GRAMD1B: variants seen among roughly 807,000 people sequenced by gnomAD.
The protein encoded by GRAMD1B is GRAM domain containing 1B, also known as protein Aster-B.
In GRAMD1B, 37 loss-of-function variants were observed where a neutral mutation model predicts 99.7. The ratio of observed to expected loss-of-function variants is 0.37; its 90% CI spans 0.29 to 0.49. The LOEUF (loss-of-function observed/expected upper bound fraction) is 0.49. GRAMD1B is among the 20% of genes least tolerant of loss of function. GRAMD1B has a pLI of 0.98. For missense variants in GRAMD1B, 888 were observed against 1,009.2 expected, an observed-to-expected ratio of 0.88 and a Z score of 1.63; for synonymous variants, 427 against 387.6, an observed-to-expected ratio of 1.10 and a Z score of -1.19.
At chr11:123,396,339 A>G (rs1206645451) in intron 1 of GRAMD1B, among the ~76,000 whole-genome samples, 2 of 150,778 alleles carry the variant, frequency 1.3e-5, no homozygotes, top group Non-Finnish European at 2.9e-5. Context: ...GCAATGGCAC[A>G]ATCTTGGCTC....
intron 2 of GRAMD1B, chr11:123,559,750 A>G (rs1946509638): frequency 1.1e-6 from 1 of 919,840 alleles, no homozygotes; most frequent in Non-Finnish European, 1.3e-6. Context: ...CTGCGGGAGA[A>G]GCGAGCATCC....
At position 123,519,340 on chromosome 11, in the gene GRAMD1B, C is replaced by T. The variant is rs994179020; in HGVS notation, c.452+38447C>T. 3.3e-5 allele frequency among the ~76,000 whole-genome samples: 5 copies of T among 152,134 alleles called. No homozygotes were observed. The South Asian group carries it at 6.2e-4, about 19-fold the overall frequency. Reference sequence around the variant, plus strand: ...AGGGAAGTGGTGGGGAGCACCTGATCGGGGTGCAGCCCTGGCCATCTGCTG... The same window carrying T: ...AGGGAAGTGGTGGGGAGCACCTGATTGGGGTGCAGCCCTGGCCATCTGCTG... On this transcript the variant is annotated intron_variant, in intron 2 of 19. Coordinates refer to ENST00000635736, the MANE Select transcript of GRAMD1B (RefSeq NM_001387025.1).
Position 123,430,756 on chromosome 11 carries a change from C to T in GRAMD1B, c.-37C>T, listed in dbSNP as rs1363366055. On this transcript the variant is annotated 5_prime_UTR_variant, in exon 1 of 20. Transcript: ENST00000635736. ...AGGGAGACGCGAACCAGGCCGCTGGCGGAGGGCTCAGGGGGAGCGCAGAGG... is the reference window on the plus strand; with the variant it reads ...AGGGAGACGCGAACCAGGCCGCTGGTGGAGGGCTCAGGGGGAGCGCAGAGG... The T allele has an allele frequency of 3.2e-6, 2 of 618,388 alleles. No homozygotes were observed. Among genetic ancestry groups the T allele is most frequent in the African/African-American group, 1.9e-5 (1 of 53,544 alleles). The allele number at this position is 618,388 out of a possible 1,614,324, so 38.3% of individuals were successfully genotyped here.
chr11:123,599,006 G>A, intron 7 of GRAMD1B: 1 of 1,090,768 alleles, frequency 9.2e-7, no homozygotes, highest in Non-Finnish European at 1.4e-6. Flanking sequence ...TCAGGTTAAT[G>A]TACTTGAGGC....
At chr11:123,593,615 C>G (rs191441705) in intron 4 of GRAMD1B, among the ~76,000 whole-genome samples, 2 of 152,300 alleles carry the variant, frequency 1.3e-5, no homozygotes, top group African/African-American at 4.8e-5. Flanking sequence ...CTTTCCCACA[C>G]AGCCAAGTGC....
rs543303150 is a variant in GRAMD1B at position 123,526,607 on chromosome 11, G to A, written c.452+45714G>A. Reference sequence around the variant, plus strand: ...CGTGATTTTGAGGGAGGGTGTGCGGGGGGCCTTTCTCACGTCAGCTGCTTA... The same window carrying A: ...CGTGATTTTGAGGGAGGGTGTGCGGAGGGCCTTTCTCACGTCAGCTGCTTA... On this transcript the variant is annotated intron_variant, in intron 2 of 19. Transcript: ENST00000635736. Among the ~76,000 whole-genome samples, 4 of 152,254 alleles carry A rather than the reference G, an allele frequency of 2.6e-5. No homozygotes were observed. The South Asian group carries it at 6.2e-4, about 24-fold the overall frequency.
intron 2 of GRAMD1B, among the ~76,000 whole-genome samples, chr11:123,552,273 C>CTTTCTT (rs752491247): frequency 8.4e-6 from 1 of 119,368 alleles, no homozygotes; most frequent in African/African-American, 3.2e-5. Context: ...CTCTTTCTTT[C>CTTTCTT]TTTTTTTTTT....
chr11:123,580,213 C>T (rs1045056395), intron 3 of GRAMD1B, among the ~76,000 whole-genome samples: 1 of 152,164 alleles, frequency 6.6e-6, no homozygotes, highest in Admixed American at 6.5e-5. Flanking sequence ...ATGTGCAGGA[C>T]ACACAGACTT....
At chr11:123,613,228 G>A (rs1180282419) in intron 15 of GRAMD1B, 8 of 577,452 alleles carry the variant, frequency 1.4e-5, no homozygotes, top group Non-Finnish European at 2.2e-5. Context: ...ATACATGAGG[G>A]TGCAGATATT....
At chr11:123,415,294 G>A (rs146826787) in intron 1 of GRAMD1B, among the ~76,000 whole-genome samples, 2,276 of 151,582 alleles carry the variant, frequency 0.015, 70 homozygotes, top group African/African-American at 0.053. Flanking sequence ...GTAGAGACAG[G>A]GTTTCACCGT....
intron 3 of GRAMD1B, among the ~76,000 whole-genome samples, chr11:123,583,267 A>ATG (rs1491187253): frequency 7.2e-6 from 1 of 138,402 alleles, no homozygotes. Context: ...GCACATGCGC[A>ATG]TGTGTGTGTG....
chr11:123,468,108 C>A (rs563316763), intron 1 of GRAMD1B, among the ~76,000 whole-genome samples: 3 of 152,176 alleles, frequency 2.0e-5, no homozygotes, highest in Non-Finnish European at 4.4e-5. Context: ...GTGATCCACC[C>A]GCCTTGGCCT....
intron 1 of GRAMD1B, among the ~76,000 whole-genome samples, chr11:123,469,062 A>G (rs1222753910): frequency 6.6e-6 from 1 of 151,938 alleles, no homozygotes; most frequent in Admixed American, 6.6e-5. Context: ...CAAAGCTGGG[A>G]CAAAGAAGGG....
At chr11:123,600,371 G>A (rs1951800430) in intron 7 of GRAMD1B, 97 bp from the exon 8 acceptor site, 2 of 737,710 alleles carry the variant, frequency 2.7e-6, no homozygotes, top group East Asian at 5.5e-5. Context: ...GTTTGAGGAT[G>A]AAGTCAGTAT....
intron 2 of GRAMD1B, among the ~76,000 whole-genome samples, chr11:123,563,388 C>G (rs1297140924): frequency 6.6e-6 from 1 of 151,944 alleles, no homozygotes; most frequent in Non-Finnish European, 1.5e-5. Flanking sequence ...AATTGTTTCA[C>G]TCAAAGAAAG....
At chr11:123,549,565 C>G (rs529702090) in intron 2 of GRAMD1B, among the ~76,000 whole-genome samples, 1 of 151,992 alleles carries the variant, frequency 6.6e-6, no homozygotes, top group South Asian at 2.1e-4. Context: ...TGATTGTGGA[C>G]CTTTAGGACA....
At chr11:123,374,910 T>C (rs924410355) in intron 1 of GRAMD1B, among the ~76,000 whole-genome samples, 2 of 152,260 alleles carry the variant, frequency 1.3e-5, no homozygotes, top group Non-Finnish European at 2.9e-5. Context: ...CATGTTCATT[T>C]GACCTTGGCA....
Position 123,584,302 on chromosome 11 carries a change from C to G in GRAMD1B, c.664-10C>G. 9.7e-7 allele frequency: 1 copy of G among 1,025,674 alleles called. No individual in the cohort carries two copies. The highest frequency in any genetic ancestry group is 1.5e-5 in the South Asian group (1 of 67,918). The allele number at this position is 1,025,674 out of a possible 1,614,324, so 63.5% of individuals were successfully genotyped here. A position where few individuals can be genotyped will look rare whatever the true frequency, so the allele number is the denominator to read the frequency against. Reference sequence around the variant, plus strand: ...CTAATTCTACCTTCTCTTTCATTTTCTCTTTTCAGAAAAGCCAGAGTTGGT... The same window carrying G: ...CTAATTCTACCTTCTCTTTCATTTTGTCTTTTCAGAAAAGCCAGAGTTGGT... On this transcript the variant is annotated splice_polypyrimidine_tract_variant and intron_variant, in intron 3 of 19. Coordinates refer to ENST00000635736, the MANE Select transcript of GRAMD1B (RefSeq NM_001387025.1).
At chr11:123,560,352 G>T in intron 2 of GRAMD1B, 1 of 1,170,184 alleles carries the variant, frequency 8.5e-7, no homozygotes, top group Non-Finnish European at 1.1e-6. Context: ...AAGGCGGCAC[G>T]ACCACACCAA....
Sources: gnomAD v4.1 joint callset for allele counts (sites outside exome capture counted in the v4.1 genomes callset) on GRCh38, gnomAD v4.1.1 for gene constraint, MANE v1.5 for transcripts, NCBI Gene and HGNC (gene_info 2026-07-23, HGNC 2026-07-21) for gene names.